DCDC2C: variants seen among roughly 807,000 people sequenced by gnomAD.
DCDC2C encodes the protein doublecortin domain-containing protein 2C.
DCDC2C carries 44 observed loss-of-function variants against 45.0 expected under a neutral mutation model. The observed-to-expected ratio is 0.98, with a 90% confidence interval of 0.77 to 1.26. The LOEUF is 1.26. DCDC2C is among the 50% of genes most tolerant of loss of function. The pLI is 0.00. For synonymous variants in DCDC2C, 187 were observed against 178.8 expected, an observed-to-expected ratio of 1.05 and a Z score of -0.37; for missense variants, 447 against 468.9, an observed-to-expected ratio of 0.95 and a Z score of 0.43.
intron 3 of DCDC2C, among the ~76,000 whole-genome samples, chr2:3,733,359 C>A (rs1017399013): frequency 2.0e-5 from 3 of 152,184 alleles, no homozygotes; most frequent in African/African-American, 7.2e-5. Context: ...TGCATTTGTA[C>A]CTTTCTGGGA....
chr2:3,783,765 C>T (rs991365756), intron 9 of DCDC2C, among the ~76,000 whole-genome samples: 4 of 152,160 alleles, frequency 2.6e-5, no homozygotes, highest in African/African-American at 9.7e-5. Context: ...TGAGCGTGGC[C>T]CCAGTAGAGG....
At position 3,793,306 on chromosome 2, in the gene DCDC2C, G is replaced by A. The variant is rs562777999; in HGVS notation, c.1065+8206G>A. On this transcript the variant is annotated intron_variant, in intron 10 of 10. Coordinates refer to ENST00000399143, the MANE Select transcript of DCDC2C (RefSeq NM_001287444.2). ...AGATTGCATATGAACTTGACAAGCC[G>A]TCTGTATACTTGGGATGGACGAAAA... Among the ~76,000 whole-genome samples the A allele has an allele frequency of 2.2e-4, 34 of 152,206 alleles. 1 individual carries two copies. The highest frequency in any genetic ancestry group is 5.9e-4 in the Admixed American group (9 of 15,278).
Position 3,738,530 on chromosome 2 carries a change from G to T in DCDC2C, c.417-3390G>T, listed in dbSNP as rs545254053. The stretch of plus-strand genomic sequence containing the variant: ...CAAGGGCAATACATTTTTTCTGCTG[G>T]TCTATCTGGGAAAAAAAAAAAAAAA... On this transcript the variant is annotated intron_variant, in intron 3 of 10. Transcript: ENST00000399143. 1.4e-3 allele frequency among the ~76,000 whole-genome samples: 142 copies of T among 100,482 alleles called. 2 individuals carry two copies. The highest frequency in any genetic ancestry group is 5.6e-3 in the African/African-American group (134 of 24,106). 65.9% of individuals were successfully genotyped at this position (100,482 alleles called of 152,430 possible).
chr2:3,747,269 C>A (rs377212304), intron 4 of DCDC2C, among the ~76,000 whole-genome samples: 4 of 152,196 alleles, frequency 2.6e-5, no homozygotes, highest in East Asian at 1.9e-4. Context: ...GTCATGCTGC[C>A]CTGCATCGTG....
intron 6 of DCDC2C, among the ~76,000 whole-genome samples, chr2:3,765,779 C>T (rs192481352): frequency 6.6e-6 from 1 of 152,248 alleles, no homozygotes; most frequent in East Asian, 1.9e-4. Flanking sequence ...CAACAAACAT[C>T]ATCAATAAAT....
At chr2:3,713,517 T>C (rs964178716) in intron 2 of DCDC2C, among the ~76,000 whole-genome samples, 1 of 152,154 alleles carries the variant, frequency 6.6e-6, no homozygotes, top group African/African-American at 2.4e-5. Flanking sequence ...GAGCTGCATG[T>C]CTCGGCCCTA....
At chr2:3,785,166 A>G in intron 10 of DCDC2C, 66 bp downstream of exon 10, 1 of 1,152,234 alleles carries the variant, frequency 8.7e-7, no homozygotes, top group African/African-American at 1.6e-5. Context: ...TAACAAGAGA[A>G]TCCACGGATC....
intron 6 of DCDC2C, among the ~76,000 whole-genome samples, chr2:3,762,332 A>G (rs1669900867): frequency 6.6e-6 from 1 of 152,150 alleles, no homozygotes; most frequent in African/African-American, 2.4e-5. Flanking sequence ...GGAACTATTC[A>G]TAACGTGGTG....
intron 10 of DCDC2C, among the ~76,000 whole-genome samples, chr2:3,838,727 G>A (rs1297172805): frequency 6.6e-6 from 1 of 152,182 alleles, no homozygotes; most frequent in African/African-American, 2.4e-5. Context: ...TCATTTGAGA[G>A]GGTACTGTGG....
At chr2:3,799,690 G>A (rs1302485424) in intron 10 of DCDC2C, among the ~76,000 whole-genome samples, 4 of 152,234 alleles carry the variant, frequency 2.6e-5, no homozygotes, top group African/African-American at 7.2e-5. Flanking sequence ...GGGGGTCAGG[G>A]GTCAGGGACC....
intron 3 of DCDC2C, among the ~76,000 whole-genome samples, chr2:3,739,269 G>T (rs2566090): frequency 6.6e-6 from 1 of 151,984 alleles, no homozygotes; most frequent in Non-Finnish European, 1.5e-5. Flanking sequence ...TGATACAGAA[G>T]GGGGAAGGGA....
chr2:3,717,988 A>G (rs984437405), intron 2 of DCDC2C, among the ~76,000 whole-genome samples: 4 of 152,006 alleles, frequency 2.6e-5, no homozygotes, highest in Admixed American at 6.6e-5. Flanking sequence ...CCATGCTTCC[A>G]TGGCACCCAT....
intron 2 of DCDC2C, chr2:3,725,889 A>G (rs1668664246): frequency 6.2e-6 from 1 of 162,122 alleles, no homozygotes; most frequent in Non-Finnish European, 1.3e-5. Flanking sequence ...GGAGACAAGC[A>G]GAGAGTGACG....
chr2:3,835,123 T>G (rs1672044050), intron 10 of DCDC2C, among the ~76,000 whole-genome samples: 1 of 152,216 alleles, frequency 6.6e-6, no homozygotes. Context: ...GCTTCTCCAC[T>G]TGCCATGTAA....
In DCDC2C at chr2:3,744,982, A is replaced by ATTAT. The variant is rs550805857; in HGVS notation, c.545+2946_545+2949dup. On this transcript the variant is annotated intron_variant, in intron 4 of 10. Coordinates refer to ENST00000399143, the MANE Select transcript of DCDC2C (RefSeq NM_001287444.2). The stretch of plus-strand genomic sequence containing the variant: ...CTAGAAATGATAGTGGAAGAAATCT[A>ATTAT]TTATTTATTTATTTACTTATTTATT... 7.9e-3 allele frequency among the ~76,000 whole-genome samples: 1,199 copies of ATTAT among 151,952 alleles called. 20 individuals are homozygous for ATTAT. The highest frequency in any genetic ancestry group is 0.028 in the African/African-American group (1,156 of 41,216).
intron 2 of DCDC2C, 140 bp from the exon 3 acceptor site, chr2:3,726,862 TG>T: frequency 1.4e-6 from 1 of 697,036 alleles, no homozygotes; most frequent in Non-Finnish European, 2.4e-6. Flanking sequence ...GCATCCTTCC[TG>T]GACCCGCCCC....
At chr2:3,838,475 A>G (rs948588330) in intron 10 of DCDC2C, among the ~76,000 whole-genome samples, 10 of 151,478 alleles carry the variant, frequency 6.6e-5, no homozygotes, top group African/African-American at 2.4e-4. Context: ...AGAGAGAGAG[A>G]GAGAGAGACC....
intron 8 of DCDC2C, among the ~76,000 whole-genome samples, chr2:3,773,330 T>A (rs1670236910): frequency 6.6e-6 from 1 of 152,192 alleles, no homozygotes; most frequent in Admixed American, 6.5e-5. Context: ...CAAAGAATTT[T>A]TAATTTTTGG....
In DCDC2C at chr2:3,734,626, G is replaced by A. The variant is rs1220730172; in HGVS notation, c.417-7294G>A. On this transcript the variant is annotated intron_variant, in intron 3 of 10. Transcript: ENST00000399143. This position sits in a 1 kb window ranked among gnomAD's most constrained non-coding sequence, Gnocchi z 4.2. ...GGTCTGAACGGGATGAGGAATGTGT[G>A]TGTCTAATAGGCGACCCAGTTGCAA... Among the ~76,000 whole-genome samples the A allele has an allele frequency of 6.6e-6, 1 of 152,182 alleles. No homozygotes were observed. The highest frequency in any genetic ancestry group is 2.4e-5 in the African/African-American group (1 of 41,446).
Sources: gnomAD v4.1 joint callset for allele counts (sites outside exome capture counted in the v4.1 genomes callset) on GRCh38, gnomAD v4.1.1 for gene constraint, Gnocchi (gnomAD v3.1) non-coding constraint, MANE v1.5 for transcripts, NCBI Gene and HGNC (gene_info 2026-07-23, HGNC 2026-07-21) for gene names.